Variants in TBC1D22A observed in about 807,000 individuals in gnomAD.
TBC1D22A encodes TBC1 domain family member 22A.
In TBC1D22A, 38 loss-of-function variants were observed where a neutral mutation model predicts 60.2. The observed-to-expected ratio is 0.63, with a 90% CI of 0.49 to 0.83. The LOEUF is 0.83. Ranked by LOEUF, TBC1D22A falls within the 40% of genes least tolerant of loss-of-function variation. The pLI, the probability that TBC1D22A is intolerant of heterozygous loss-of-function variation, is 0.00. For missense variants in TBC1D22A, 628 were observed against 701.0 expected (o/e 0.90, Z 1.18); for synonymous variants, 302 against 281.7 (o/e 1.07, Z -0.72).
At position 46,846,365 on chromosome 22, in the gene TBC1D22A, C is replaced by T. The variant is rs942046517; in HGVS notation, c.638-32288C>T. Among the ~76,000 whole-genome samples the T allele has an allele frequency of 5.9e-5, 9 of 152,118 alleles. No homozygotes were observed. In the East Asian group the frequency reaches 9.7e-4, roughly 16 times the overall value. On this transcript the variant is annotated intron_variant, in intron 4 of 12. Transcript: ENST00000337137. ...ACATCGCTTACTCACCTATGCTTTCCGTCTTTGAAGAGCTACCCTGCAAGC... is the reference window on the plus strand; with the variant it reads ...ACATCGCTTACTCACCTATGCTTTCTGTCTTTGAAGAGCTACCCTGCAAGC...
At chr22:47,169,778 C>G (rs946378069) in intron 12 of TBC1D22A, among the ~76,000 whole-genome samples, 5 of 152,194 alleles carry the variant, frequency 3.3e-5, no homozygotes, top group African/African-American at 1.2e-4. Context: ...ATGAGCAGAG[C>G]CTTCCTTTAA....
intron 8 of TBC1D22A, among the ~76,000 whole-genome samples, chr22:46,929,072 CA>C (rs111842297): frequency 0.028 from 4,186 of 152,120 alleles, 176 homozygotes; most frequent in African/African-American, 0.096. Flanking sequence ...AAAACCACTG[CA>C]AATAATTTAA....
chr22:47,002,505 A>T (rs568024399), intron 10 of TBC1D22A, among the ~76,000 whole-genome samples: 119 of 148,300 alleles, frequency 8.0e-4, no homozygotes, highest in African/African-American at 2.8e-3. Flanking sequence ...TTTTTTGATT[A>T]AAAAAACCAT....
At chr22:46,886,395 C>T (rs959065362) in intron 5 of TBC1D22A, among the ~76,000 whole-genome samples, 17 of 152,158 alleles carry the variant, frequency 1.1e-4, no homozygotes, top group Admixed American at 8.5e-4. Context: ...ATTCACCGAG[C>T]GATTGTTTTC....
chr22:46,902,422 A>G (rs1430823968), intron 7 of TBC1D22A, among the ~76,000 whole-genome samples: 1 of 152,260 alleles, frequency 6.6e-6, no homozygotes, highest in Non-Finnish European at 1.5e-5. Context: ...CAAGAATGTT[A>G]CTAGAACTTT....
chr22:46,823,090 G>A (rs936540304), intron 4 of TBC1D22A, among the ~76,000 whole-genome samples: 3 of 152,178 alleles, frequency 2.0e-5, no homozygotes, highest in Non-Finnish European at 4.4e-5. Flanking sequence ...GCTTCTGGGA[G>A]TGACTGCAAT....
At chr22:47,089,499 G>A (rs1191702555) in intron 11 of TBC1D22A, among the ~76,000 whole-genome samples, 7 of 152,194 alleles carry the variant, frequency 4.6e-5, no homozygotes, top group Non-Finnish European at 8.8e-5. Flanking sequence ...CACACCACAC[G>A]TAGACGTACA....
chr22:46,809,439 A>G (rs772450665), intron 4 of TBC1D22A, among the ~76,000 whole-genome samples: 6 of 152,210 alleles, frequency 3.9e-5, no homozygotes, highest in Non-Finnish European at 7.3e-5. Flanking sequence ...GAGGCCTTCA[A>G]CATACGAATT....
chr22:46,974,480 GAGTCTC>G, intron 9 of TBC1D22A, 81 bp downstream of exon 9: 1 of 1,172,234 alleles, frequency 8.5e-7, no homozygotes, highest in South Asian at 1.3e-5. Context: ...GGCTGCTCCT[GAGTCTC>G]AGTGTGGCCA....
At chr22:46,940,518 G>A (rs2071929421) in intron 8 of TBC1D22A, among the ~76,000 whole-genome samples, 2 of 147,870 alleles carry the variant, frequency 1.4e-5, no homozygotes, top group Non-Finnish European at 3.0e-5. Flanking sequence ...TGAACAGCAT[G>A]GGGACTGGGG....
chr22:46,946,477 G>A (rs969190911), intron 8 of TBC1D22A, among the ~76,000 whole-genome samples: 1 of 152,238 alleles, frequency 6.6e-6, no homozygotes, highest in East Asian at 1.9e-4. Context: ...TCACAAGCAA[G>A]TAGAAGCCTG....
intron 10 of TBC1D22A, among the ~76,000 whole-genome samples, chr22:47,034,701 C>T (rs2062599384): frequency 6.6e-6 from 1 of 152,184 alleles, no homozygotes; most frequent in African/African-American, 2.4e-5. Flanking sequence ...GAGGCAATCC[C>T]TGGCCTATGT....
chr22:47,037,099 C>T lies in TBC1D22A; in HGVS notation c.1230C>T (p.His410=), dbSNP rs188325619. The T allele has an allele frequency of 4.0e-4, 652 of 1,613,894 alleles. 9 individuals are homozygous for T. The East Asian group carries it at 9.2e-3, about 23-fold the overall frequency. The part of the protein sequence containing the change: ...DEQVHRHLDQ[H]EVRYLQFAFR... ...AAGTGCACCGGCACCTGGACCAACA[C>T]GAAGTGAGATACCTGCAGTTTGCCT... Residue 410 remains histidine, a synonymous_variant, in exon 11 of 13, where the codon CAC becomes CAT. Coordinates refer to ENST00000337137, the MANE Select transcript of TBC1D22A (RefSeq NM_014346.5).
chr22:46,916,154 G>T, intron 8 of TBC1D22A: 1 of 386,540 alleles, frequency 2.6e-6, no homozygotes, highest in South Asian at 2.3e-5. Flanking sequence ...AATGAGAGCT[G>T]CTGTGGTTGA....
rs188756235 is a variant in TBC1D22A at position 47,032,818 on chromosome 22, G to A, written c.1202-4253G>A. Reference sequence around the variant, plus strand: ...GGCACCCACTTGCTGCAGCCCAGACGTCCACGCAGAGCTGTGGGCTGGGAG... The same window carrying A: ...GGCACCCACTTGCTGCAGCCCAGACATCCACGCAGAGCTGTGGGCTGGGAG... On this transcript the variant is annotated intron_variant, in intron 10 of 12. Transcript: ENST00000337137. Among the ~76,000 whole-genome samples the A allele has an allele frequency of 2.6e-5, 4 of 152,322 alleles. No individual in the cohort carries two copies. The East Asian group carries it at 5.8e-4, about 22-fold the overall frequency.
intron 4 of TBC1D22A, among the ~76,000 whole-genome samples, chr22:46,847,051 C>T (rs1000765813): frequency 2.6e-5 from 4 of 152,182 alleles, no homozygotes; most frequent in African/African-American, 9.7e-5. Flanking sequence ...ATCAGCCTTC[C>T]TTATCGGCTG....
At chr22:46,803,770 CT>C (rs1338313003) in intron 4 of TBC1D22A, among the ~76,000 whole-genome samples, 2 of 152,212 alleles carry the variant, frequency 1.3e-5, no homozygotes. Flanking sequence ...AGGCAGCCCC[CT>C]GGCCACCTAG....
At chr22:46,903,182 C>T (rs779145208) in intron 7 of TBC1D22A, among the ~76,000 whole-genome samples, 1 of 152,184 alleles carries the variant, frequency 6.6e-6, no homozygotes, top group East Asian at 1.9e-4. Context: ...GGTCACAGAC[C>T]TCAGCCTGGT....
intron 11 of TBC1D22A, among the ~76,000 whole-genome samples, chr22:47,095,181 G>A (rs1293715880): frequency 6.6e-6 from 1 of 152,252 alleles, no homozygotes; most frequent in African/African-American, 2.4e-5. Context: ...ATATTTCAAA[G>A]GAAATCATAG....
Sources: gnomAD v4.1 joint callset for allele counts (sites outside exome capture counted in the v4.1 genomes callset) on GRCh38, gnomAD v4.1.1 for gene constraint, MANE v1.5 for transcripts, NCBI Gene and HGNC (gene_info 2026-07-23, HGNC 2026-07-21) for gene names.